ACTR3C: variants seen among roughly 807,000 people sequenced by gnomAD.
ACTR3C encodes the protein actin related protein 3C, also known as actin-related protein 3C.
In ACTR3C, 18 loss-of-function variants were observed where a neutral mutation model predicts 26.3. That is an observed-to-expected ratio of 0.68 (90% CI 0.47 to 1.01). ACTR3C has a LOEUF of 1.01. Among genes scored for constraint, ACTR3C ranks in the 50% least tolerant of loss-of-function variants. The probability of loss-of-function intolerance (pLI) is 0.00; values close to 1 mark genes in which losing one functional copy is unlikely to be tolerated. For missense variants in ACTR3C, 184 were observed against 250.7 expected, an observed-to-expected ratio of 0.73 and a Z score of 1.80; for synonymous variants, 55 against 94.5, an observed-to-expected ratio of 0.58 and a Z score of 2.42.
At chr7:150,128,711 G>A in the ACTR3C span, among the ~76,000 whole-genome samples, 3 of 151,510 alleles carry the variant, frequency 2.0e-5, no homozygotes, top group Admixed American at 2.0e-4. Context: ...TAAACCTATA[G>A]ATTTCTGCTT....
the ACTR3C span, among the ~76,000 whole-genome samples, chr7:150,091,872 C>T: frequency 8.2e-3 from 1,099 of 133,928 alleles, no homozygotes; most frequent in East Asian, 0.019. Context: ...CCTGTAGTCC[C>T]AGCTACTCGG....
chr7:150,132,693 C>T, the ACTR3C span, among the ~76,000 whole-genome samples: 4 of 152,216 alleles, frequency 2.6e-5, no homozygotes, highest in South Asian at 2.1e-4. Context: ...CTGTGAAGAG[C>T]AGGCTCAAAG....
chr7:150,141,159 A>G, the ACTR3C span, among the ~76,000 whole-genome samples: 1 of 152,264 alleles, frequency 6.6e-6, no homozygotes, highest in Admixed American at 6.5e-5. Context: ...AACCATCTCC[A>G]TAACATAGTG....
At chr7:150,125,730 G>T in the ACTR3C span, among the ~76,000 whole-genome samples, 2 of 152,086 alleles carry the variant, frequency 1.3e-5, no homozygotes, top group Non-Finnish European at 1.5e-5. Context: ...CTACTGCTCC[G>T]GCTGGTACGT....
At chr7:150,310,965 T>C (rs58154968) in intron 1 of ACTR3C, among the ~76,000 whole-genome samples, 5,549 of 152,232 alleles carry the variant, frequency 0.036, 329 homozygotes, top group African/African-American at 0.13. Flanking sequence ...TCAACATACA[T>C]GCGCTCTTCC....
chr7:150,012,470 A>G, the ACTR3C span, among the ~76,000 whole-genome samples: 4 of 151,712 alleles, frequency 2.6e-5, no homozygotes, highest in African/African-American at 9.7e-5. Context: ...GCCCACCACC[A>G]TGCCCGGCTA....
chr7:150,246,047 G>A (rs922206342), downstream of ACTR3C: 1 of 152,154 alleles, frequency 6.6e-6, no homozygotes, highest in Non-Finnish European at 1.5e-5. Flanking sequence ...ATGCTTGACT[G>A]TGGATCTTGG....
chr7:150,049,074 C>T, the ACTR3C span, among the ~76,000 whole-genome samples: 1 of 152,056 alleles, frequency 6.6e-6, no homozygotes, highest in Non-Finnish European at 1.5e-5. Context: ...GGGAGGGCGA[C>T]ATGGCTCCAC....
the ACTR3C span, among the ~76,000 whole-genome samples, chr7:150,080,490 T>C: frequency 6.6e-6 from 1 of 151,716 alleles, no homozygotes; most frequent in East Asian, 1.9e-4. Flanking sequence ...CTTGACATCT[T>C]AGACAGCAAA....
chr7:150,042,598 C>T, the ACTR3C span, among the ~76,000 whole-genome samples: 58 of 146,374 alleles, frequency 4.0e-4, no homozygotes, highest in East Asian at 3.2e-3. Flanking sequence ...CCCCCCACTG[C>T]GATGGGAGTC....
chr7:150,082,753 G>A, the ACTR3C span, among the ~76,000 whole-genome samples: 2 of 151,178 alleles, frequency 1.3e-5, no homozygotes, highest in Admixed American at 1.3e-4. Flanking sequence ...TTTATGTGAT[G>A]CTTTATGACT....
the ACTR3C span, among the ~76,000 whole-genome samples, chr7:149,907,460 T>C: frequency 0.021 from 2,058 of 99,166 alleles, 3 homozygotes; most frequent in African/African-American, 0.076. Context: ...TCCTGGGGCC[T>C]CTCTTGCCTC....
chr7:149,968,802 G>T, the ACTR3C span, among the ~76,000 whole-genome samples: 1 of 152,138 alleles, frequency 6.6e-6, no homozygotes. Context: ...TCGTATTTCA[G>T]GGATGTGGCA....
the ACTR3C span, among the ~76,000 whole-genome samples, chr7:150,134,221 G>T: frequency 1.2e-4 from 18 of 148,018 alleles, no homozygotes; most frequent in Non-Finnish European, 4.4e-5. Flanking sequence ...TAAAAAAAAG[G>T]CTATATGCAG....
chr7:150,116,787 T>C, the ACTR3C span, among the ~76,000 whole-genome samples: 3 of 152,204 alleles, frequency 2.0e-5, no homozygotes, highest in Admixed American at 6.5e-5. Context: ...GGAGGATTCC[T>C]GGCCAAAATG....
At chr7:149,959,952 GACTAT>G in the ACTR3C span, among the ~76,000 whole-genome samples, 3 of 151,842 alleles carry the variant, frequency 2.0e-5, no homozygotes, top group African/African-American at 7.3e-5. Context: ...CCTACAATTG[GACTAT>G]ACTATAATTT....
At chr7:149,890,238 G>A in the ACTR3C span, among the ~76,000 whole-genome samples, 12 of 151,586 alleles carry the variant, frequency 7.9e-5, no homozygotes, top group South Asian at 2.1e-4. Context: ...CGCAGCTTAC[G>A]TCACATGAAA....
At chr7:150,126,725 C>T in the ACTR3C span, among the ~76,000 whole-genome samples, 6 of 152,310 alleles carry the variant, frequency 3.9e-5, no homozygotes, top group Admixed American at 1.3e-4. Context: ...TTTTTTAAGA[C>T]GGTCAGGCTC....
At chr7:150,084,415 G>C in the ACTR3C span, among the ~76,000 whole-genome samples, 3 of 152,162 alleles carry the variant, frequency 2.0e-5, no homozygotes, top group African/African-American at 7.2e-5. Flanking sequence ...TCAATGTCTT[G>C]ATAGTGATAC....
Sources: gnomAD v4.1 joint callset for allele counts (sites outside exome capture counted in the v4.1 genomes callset) on GRCh38, gnomAD v4.1.1 for gene constraint, MANE v1.5 for transcripts, NCBI Gene and HGNC (gene_info 2026-07-23, HGNC 2026-07-21) for gene names.